The following PALM2AKAP2 variants were observed in gnomAD, a reference collection of about 807,000 sequenced individuals.
The protein encoded by PALM2AKAP2 is PALM2-AKAP2 fusion protein.
A neutral mutation model predicts 71.5 loss-of-function variants in PALM2AKAP2; 37 were observed. The ratio of observed to expected loss-of-function variants is 0.52; its 90% CI spans 0.40 to 0.68. The LOEUF is 0.68. Among genes scored for constraint, PALM2AKAP2 ranks in the 30% least tolerant of loss-of-function variants. The probability of loss-of-function intolerance (pLI) is 0.00; values close to 1 mark genes in which losing one functional copy is unlikely to be tolerated. For synonymous variants in PALM2AKAP2, 468 were observed against 478.8 expected (o/e 0.98, Z 0.29); for missense variants, 1,224 against 1,191.8 (o/e 1.03, Z -0.40).
At chr9:109,644,291 C>T (rs1827115940) in intron 1 of PALM2AKAP2, among the ~76,000 whole-genome samples, 1 of 152,222 alleles carries the variant, frequency 6.6e-6, no homozygotes, top group South Asian at 2.1e-4. Flanking sequence ...ACTGCCCCTA[C>T]CCTTCAATCT....
intron 1 of PALM2AKAP2, among the ~76,000 whole-genome samples, chr9:109,676,876 A>C (rs1587863746): frequency 6.6e-6 from 1 of 152,336 alleles, no homozygotes; most frequent in South Asian, 2.1e-4. Flanking sequence ...GCAAGTATTA[A>C]ATAAGAGTAA....
chr9:109,924,566 C>T (rs1240684443), intron 4 of PALM2AKAP2, among the ~76,000 whole-genome samples: 1 of 152,134 alleles, frequency 6.6e-6, no homozygotes, highest in Non-Finnish European at 1.5e-5. Flanking sequence ...CGCCACTGCA[C>T]TCCAGCCTGG....
chr9:110,102,693 A>G (rs1315010803), intron 1 of PALM2AKAP2, among the ~76,000 whole-genome samples: 1 of 152,162 alleles, frequency 6.6e-6, no homozygotes, highest in Non-Finnish European at 1.5e-5. Context: ...GCTTAGGTAG[A>G]CCAGCAAGTC....
chr9:110,137,066 C>G, exon 2 of PALM2AKAP2: 2 of 1,613,956 alleles, frequency 1.2e-6, no homozygotes, highest in Non-Finnish European at 1.7e-6. Context: ...ACAGCAGGAA[C>G]AGTTGCTGCT....
At chr9:109,786,213 C>G (rs539718900) in intron 1 of PALM2AKAP2, among the ~76,000 whole-genome samples, 15 of 152,350 alleles carry the variant, frequency 9.8e-5, no homozygotes, top group African/African-American at 3.4e-4. Flanking sequence ...GGCCACCACC[C>G]TGCTTTTGGT....
chr9:110,043,930 G>T (rs1396202567), upstream of PALM2AKAP2, among the ~76,000 whole-genome samples: 4 of 151,910 alleles, frequency 2.6e-5, no homozygotes, highest in African/African-American at 9.7e-5. Flanking sequence ...TGTTGCCCAG[G>T]CTGGTCTCAA....
intron 1 of PALM2AKAP2, among the ~76,000 whole-genome samples, chr9:110,097,155 T>C: frequency 6.6e-6 from 1 of 150,902 alleles, no homozygotes; most frequent in Non-Finnish European, 1.5e-5. Flanking sequence ...GTGATGACTC[T>C]TAACCAGCAT....
At chr9:110,029,402 A>G (rs1833239595) in intron 7 of PALM2AKAP2, among the ~76,000 whole-genome samples, 1 of 152,150 alleles carries the variant, frequency 6.6e-6, no homozygotes, top group South Asian at 2.1e-4. Context: ...AAAATCCCCT[A>G]TCTCTGAGTG....
chr9:110,005,974 C>G (rs1035162962), intron 6 of PALM2AKAP2, among the ~76,000 whole-genome samples: 2 of 152,174 alleles, frequency 1.3e-5, no homozygotes, highest in Non-Finnish European at 2.9e-5. Flanking sequence ...TTGCACTTCC[C>G]AGGTGAGGCA....
chr9:110,102,433 T>A (rs193172466), intron 1 of PALM2AKAP2, among the ~76,000 whole-genome samples: 18 of 152,350 alleles, frequency 1.2e-4, no homozygotes, highest in African/African-American at 4.3e-4. Flanking sequence ...GTTGTTGACC[T>A]TGTATGTTTT....
chr9:109,654,680 C>T (rs1001240121), intron 1 of PALM2AKAP2, among the ~76,000 whole-genome samples: 8 of 151,682 alleles, frequency 5.3e-5, no homozygotes, highest in Non-Finnish European at 1.5e-5. Context: ...TCTATGACTT[C>T]AGTGCAAGTA....
chr9:110,087,062 T>A (rs1834590580), intron 1 of PALM2AKAP2, among the ~76,000 whole-genome samples: 1 of 152,210 alleles, frequency 6.6e-6, no homozygotes, highest in African/African-American at 2.4e-5. Flanking sequence ...GCTCTTGCTA[T>A]CCTTCCTGCC....
chr9:109,838,566 T>C (rs1013313546), intron 1 of PALM2AKAP2, among the ~76,000 whole-genome samples: 1 of 152,030 alleles, frequency 6.6e-6, no homozygotes, highest in African/African-American at 2.4e-5. Flanking sequence ...AAAAAACCCT[T>C]CAAAAAATCA....
intron 1 of PALM2AKAP2, among the ~76,000 whole-genome samples, chr9:109,811,735 C>A (rs1827732377): frequency 6.6e-6 from 1 of 151,952 alleles, no homozygotes; most frequent in Non-Finnish European, 1.5e-5. Flanking sequence ...CCATGCCTGG[C>A]TAATTAAAAA....
intron 1 of PALM2AKAP2, among the ~76,000 whole-genome samples, chr9:109,651,431 T>C (rs1827224515): frequency 6.6e-6 from 1 of 152,224 alleles, no homozygotes; most frequent in Admixed American, 6.5e-5. Flanking sequence ...TCACCATTGC[T>C]GTGGGTTACT....
intron 1 of PALM2AKAP2, among the ~76,000 whole-genome samples, chr9:109,784,813 A>G (rs1347116203): frequency 2.6e-5 from 4 of 152,230 alleles, no homozygotes; most frequent in African/African-American, 4.8e-5. Context: ...CCATGAGCAC[A>G]CTGTGCAGGT....
intron 1 of PALM2AKAP2, among the ~76,000 whole-genome samples, chr9:110,082,894 C>A (rs1291588888): frequency 6.6e-6 from 1 of 152,200 alleles, no homozygotes; most frequent in Non-Finnish European, 1.5e-5. Flanking sequence ...GTAATCCCAG[C>A]ACGTTGGGAG....
At chr9:109,983,956 GA>G (rs1462408859) in intron 6 of PALM2AKAP2, among the ~76,000 whole-genome samples, 1 of 152,072 alleles carries the variant, frequency 6.6e-6, no homozygotes, top group Non-Finnish European at 1.5e-5. Flanking sequence ...AAGTATTCAG[GA>G]ATGAATTTAT....
chr9:110,097,570 G>A (rs576553436), intron 1 of PALM2AKAP2, among the ~76,000 whole-genome samples: 2 of 148,356 alleles, frequency 1.3e-5, no homozygotes, highest in East Asian at 2.0e-4. Context: ...ATGGGTGGCC[G>A]GGCAGAGACG....
Sources: allele counts gnomAD v4.1 joint callset (sites outside exome capture counted in the v4.1 genomes callset), GRCh38; gene constraint gnomAD v4.1.1; transcripts MANE v1.5; gene names NCBI Gene and HGNC (gene_info 2026-07-23, HGNC 2026-07-21).